The following ZNF407 variants were observed in gnomAD, a reference collection of about 807,000 sequenced individuals.
The protein encoded by ZNF407 is zinc finger protein 407.
In ZNF407, 17 loss-of-function variants were observed where a neutral mutation model predicts 131.2. That is an observed-to-expected ratio of 0.13 (90% CI 0.09 to 0.19). The LOEUF (loss-of-function observed/expected upper bound fraction) is 0.19, where lower values mean the gene tolerates loss of function less well. Ranked by LOEUF, ZNF407 falls within the 10% of genes least tolerant of loss-of-function variation. The pLI is 1.00. For missense variants in ZNF407, 2,681 were observed against 2,830.6 expected (o/e 0.95, Z 1.20); for synonymous variants, 1,156 against 1,062.0 (o/e 1.09, Z -1.72).
intron 8 of ZNF407, among the ~76,000 whole-genome samples, chr18:74,940,779 G>A (rs144329236): frequency 2.6e-4 from 40 of 152,220 alleles, no homozygotes; most frequent in African/African-American, 9.4e-4. Flanking sequence ...GTGAAGCGTC[G>A]CTCCCTCACT....
intron 8 of ZNF407, among the ~76,000 whole-genome samples, chr18:75,009,750 T>C (rs1236069091): frequency 1.3e-5 from 2 of 152,152 alleles, no homozygotes; most frequent in Admixed American, 6.5e-5. Flanking sequence ...CAGTAACTTA[T>C]TCAAGATAAA....
intron 4 of ZNF407, among the ~76,000 whole-genome samples, chr18:74,872,742 G>A (rs1599211823): frequency 7.2e-6 from 1 of 138,686 alleles, no homozygotes; most frequent in African/African-American, 2.7e-5. Flanking sequence ...GTGGCAGAGC[G>A]AGACTCAGTC....
At position 74,738,977 on chromosome 18, in the gene ZNF407, G is replaced by A. The variant is rs1052071867; in HGVS notation, c.4803-42451G>A. 4.6e-5 allele frequency among the ~76,000 whole-genome samples: 7 copies of A among 152,038 alleles called. No individual in the cohort carries two copies. The East Asian group carries it at 1.4e-3, about 29-fold the overall frequency. On this transcript the variant is annotated intron_variant, in intron 3 of 8. Coordinates refer to ENST00000299687, the MANE Select transcript of ZNF407 (RefSeq NM_017757.3). The stretch of plus-strand genomic sequence containing the variant: ...GTAACAACTTGATTAAAAAATAAGT[G>A]GCTCCAGATACCAGGTATTTTAAAG...
intron 4 of ZNF407, among the ~76,000 whole-genome samples, chr18:74,828,223 G>A (rs1970435064): frequency 6.6e-6 from 1 of 152,152 alleles, no homozygotes; most frequent in African/African-American, 2.4e-5. Flanking sequence ...TTGGTGAGGG[G>A]CACAGAAAGT....
chr18:74,949,922 G>GA (rs562434612), intron 8 of ZNF407, among the ~76,000 whole-genome samples: 1 of 152,122 alleles, frequency 6.6e-6, no homozygotes, highest in African/African-American at 2.4e-5. Context: ...AAATGTTCAA[G>GA]AAAAAACAAT....
At chr18:74,835,878 G>A (rs963693337) in intron 4 of ZNF407, among the ~76,000 whole-genome samples, 6 of 152,138 alleles carry the variant, frequency 3.9e-5, no homozygotes, top group African/African-American at 1.4e-4. Context: ...TCAGCTCACA[G>A]GTACGGGTAT....
intron 1 of ZNF407, among the ~76,000 whole-genome samples, chr18:74,603,538 C>T (rs919202264): frequency 1.3e-5 from 2 of 152,212 alleles, no homozygotes; most frequent in African/African-American, 4.8e-5. Context: ...AGGCAGGCCA[C>T]GTAATCAGTA....
intron 4 of ZNF407, among the ~76,000 whole-genome samples, chr18:74,820,141 G>A (rs1970320627): frequency 6.6e-6 from 1 of 152,190 alleles, no homozygotes; most frequent in African/African-American, 2.4e-5. Flanking sequence ...CCAGTGTAAG[G>A]GAAGCAGTTG....
chr18:75,064,625 C>T lies in ZNF407; in HGVS notation c.*157C>T, dbSNP rs996892177. 25 of 682,914 alleles carry T rather than the reference C, an allele frequency of 3.7e-5. No individual in the cohort carries two copies. Among genetic ancestry groups the T allele is most frequent in the Non-Finnish European group, 4.5e-6 (2 of 447,860 alleles). 42.3% of individuals were successfully genotyped at this position (682,914 alleles called of 1,614,324 possible). ...CCCTCCCAGCGAGAGTCACACTGGC[C>T]ACCAGCCAGGCGCCCACAGAGGGTA... is the stretch of plus-strand genomic sequence containing the variant. On this transcript the variant is annotated 3_prime_UTR_variant, in exon 9 of 9. Transcript: ENST00000299687.
At chr18:74,601,637 A>G (rs1982589470) in intron 1 of ZNF407, among the ~76,000 whole-genome samples, 1 of 152,172 alleles carries the variant, frequency 6.6e-6, no homozygotes, top group Non-Finnish European at 1.5e-5. Flanking sequence ...GAGCTTGCAT[A>G]TCCCATGGCA....
At chr18:75,004,531 C>T (rs1264700274) in intron 8 of ZNF407, among the ~76,000 whole-genome samples, 2 of 152,082 alleles carry the variant, frequency 1.3e-5, no homozygotes, top group African/African-American at 4.8e-5. Flanking sequence ...GCATTGGGTG[C>T]GCAGAGCCAG....
intron 4 of ZNF407, among the ~76,000 whole-genome samples, chr18:74,847,120 G>T (rs1292378182): frequency 6.6e-6 from 1 of 152,140 alleles, no homozygotes; most frequent in African/African-American, 2.4e-5. Context: ...ATTTTCTTGT[G>T]CAATAGAGTT....
intron 3 of ZNF407, among the ~76,000 whole-genome samples, chr18:74,661,321 C>T (rs936730210): frequency 2.0e-5 from 3 of 150,842 alleles, no homozygotes; most frequent in African/African-American, 7.3e-5. Flanking sequence ...TTCTAAAAGG[C>T]TGTAAGCTTA....
At chr18:74,871,680 TG>T (rs1971089118) in intron 4 of ZNF407, among the ~76,000 whole-genome samples, 1 of 152,178 alleles carries the variant, frequency 6.6e-6, no homozygotes, top group South Asian at 2.1e-4. Context: ...CCCACTGGTG[TG>T]GTTTTTGTAG....
At chr18:74,959,491 C>G (rs1465302885) in intron 8 of ZNF407, among the ~76,000 whole-genome samples, 2 of 152,146 alleles carry the variant, frequency 1.3e-5, no homozygotes, top group African/African-American at 4.8e-5. Context: ...TTGTATGTGT[C>G]TGTCTTTCTG....
Position 74,632,190 on chromosome 18 carries a change from C to G in ZNF407, c.1171C>G (p.Leu391Val), listed in dbSNP as rs774202284. The G allele has an allele frequency of 1.5e-5, 25 of 1,613,940 alleles. No homozygotes were observed. Among genetic ancestry groups the G allele is most frequent in the Admixed American group, 1.0e-4 (6 of 60,026 alleles). The change falls in exon 2 of 9, where the codon CTC (leucine) becomes GTC (valine). Residue 391 changes from leucine (L) to valine (V), a missense_variant. Around this residue, in one of 6 missense-constraint regions of ZNF407, gnomAD observed 1,789 missense variants for 1,748.7 expected, o/e 1.02. Coordinates refer to ENST00000299687, the MANE Select transcript of ZNF407 (RefSeq NM_017757.3). ...AGACACCTTAGTAACCTCAGAGGGT[C>G]TCTTAGAGAAATTGGAATCTACAAA... ...KLDTLVTSEG[L>V]LEKLESTKNT... is the part of the protein sequence containing the mutation.
Position 74,764,627 on chromosome 18 carries a change from A to G in ZNF407, c.4803-16801A>G, listed in dbSNP as rs1021456402. 3.9e-5 allele frequency among the ~76,000 whole-genome samples: 6 copies of G among 152,210 alleles called. No homozygotes were observed. In the East Asian group the frequency reaches 1.2e-3, roughly 29 times the overall value. The stretch of plus-strand genomic sequence containing the variant: ...ATTGTAAGTAATCTAGAGATGATCT[A>G]AAGTATATGGGAGGATGTGCATAGG... On this transcript the variant is annotated intron_variant, in intron 3 of 8. Coordinates refer to ENST00000299687, the MANE Select transcript of ZNF407 (RefSeq NM_017757.3).
At chr18:74,909,520 T>C (rs1237538024) in intron 7 of ZNF407, among the ~76,000 whole-genome samples, 1 of 152,176 alleles carries the variant, frequency 6.6e-6, no homozygotes, top group Non-Finnish European at 1.5e-5. Context: ...TAAATAGAAC[T>C]TTCAAAATTT....
intron 3 of ZNF407, among the ~76,000 whole-genome samples, chr18:74,668,912 A>T (rs1011354323): frequency 3.3e-5 from 5 of 151,908 alleles, no homozygotes; most frequent in African/African-American, 4.8e-5. Flanking sequence ...ATATATCATT[A>T]AAAAAAACCT....
Sources: gnomAD v4.1 joint callset for allele counts (sites outside exome capture counted in the v4.1 genomes callset) on GRCh38, gnomAD v4.1.1 for gene constraint, gnomAD v4.1.1 regional missense constraint, MANE v1.5 for transcripts, NCBI Gene and HGNC (gene_info 2026-07-23, HGNC 2026-07-21) for gene names.